Variants in PCSK6 observed in about 807,000 individuals in gnomAD.
PCSK6 encodes proprotein convertase subtilisin/kexin type 6, also known as paired basic amino acid cleaving enzyme 4.
A neutral mutation model predicts 123.3 loss-of-function variants in PCSK6; 85 were observed. That is an observed-to-expected ratio of 0.69 (90% CI 0.58 to 0.83). The LOEUF is 0.83. Ranked by LOEUF, PCSK6 falls within the 40% of genes least tolerant of loss-of-function variation. PCSK6 has a pLI of 0.00. For missense variants in PCSK6, 1,191 were observed against 1,282.3 expected (o/e 0.93, Z 1.09); for synonymous variants, 508 against 516.0 (o/e 0.98, Z 0.21).
At chr15:101,368,534 G>A (rs1163055601) in intron 12 of PCSK6, among the ~76,000 whole-genome samples, 1 of 152,182 alleles carries the variant, frequency 6.6e-6, no homozygotes, top group South Asian at 2.1e-4. Context: ...CAACTCTCCA[G>A]GGTCACTGCC....
Position 101,454,496 on chromosome 15 carries a change from G to A in PCSK6, c.298-10836C>T, listed in dbSNP as rs542396945. On this transcript the variant is annotated intron_variant, in intron 1 of 21. Transcript: ENST00000611716. ...TACAACACAGATGAGCCTGGAGGAC[G>A]CTGTGCTCAGTGAAATGAGCCAGGC... Among the ~76,000 whole-genome samples the A allele has an allele frequency of 4.0e-4, 61 of 152,296 alleles. 1 individual carries two copies. The highest frequency in any genetic ancestry group is 1.0e-3 in the African/African-American group (42 of 41,560).
At chr15:101,454,719 C>T (rs547645786) in intron 1 of PCSK6, among the ~76,000 whole-genome samples, 1 of 152,010 alleles carries the variant, frequency 6.6e-6, no homozygotes, top group Admixed American at 6.6e-5. Context: ...GGCAGGTGGA[C>T]AGATCACATG....
chr15:101,354,183 A>G (rs932818785), intron 13 of PCSK6, among the ~76,000 whole-genome samples: 5 of 152,208 alleles, frequency 3.3e-5, no homozygotes, highest in African/African-American at 1.2e-4. Context: ...ACACACCCAC[A>G]TATCCACATG....
chr15:101,342,951 T>C (rs1196453494), intron 13 of PCSK6, among the ~76,000 whole-genome samples: 3 of 152,080 alleles, frequency 2.0e-5, no homozygotes. Context: ...GTGGGGACTG[T>C]TTCCCTATTT....
chr15:101,385,530 G>A (rs2042034969), intron 9 of PCSK6, among the ~76,000 whole-genome samples: 1 of 152,128 alleles, frequency 6.6e-6, no homozygotes, highest in South Asian at 2.1e-4. Flanking sequence ...TAAGAGATAT[G>A]GATGCATTGT....
In PCSK6 at chr15:101,393,383, C is replaced by T. The variant is rs765630205; in HGVS notation, c.1038G>A (p.Gly346=). The part of the protein sequence containing the change: ...GLGSIFVWAS[G]NGGREGDYCS... ...AGTAGTCCCCCTCTCTCCCGCCATT[C>T]CCAGATGCCCAGACGAAAATGGAGC... Residue 346 remains glycine (G), a synonymous_variant, in exon 8 of 22, where the codon GGG becomes GGA. Coordinates refer to ENST00000611716, the MANE Select transcript of PCSK6 (RefSeq NM_002570.5). The T allele has an allele frequency of 6.2e-7, 1 of 1,603,278 alleles. No individual in the cohort carries two copies. Among genetic ancestry groups the T allele is most frequent in the Non-Finnish European group, 8.5e-7 (1 of 1,175,238 alleles).
At chr15:101,427,733 C>T (rs2056304955) in intron 6 of PCSK6, among the ~76,000 whole-genome samples, 159 bp downstream of exon 6, 1 of 152,252 alleles carries the variant, frequency 6.6e-6, no homozygotes, top group Non-Finnish European at 1.5e-5. Context: ...GGTCAGCTGC[C>T]TGGGCCATGA....
intron 11 of PCSK6, among the ~76,000 whole-genome samples, chr15:101,376,338 TGA>T (rs1447730027): frequency 3.3e-5 from 5 of 152,256 alleles, no homozygotes; most frequent in South Asian, 2.1e-4. Context: ...TCAAACAGCA[TGA>T]GAAAGCAGAG....
At chr15:101,324,340 G>A (rs1237562623) in intron 17 of PCSK6, among the ~76,000 whole-genome samples, 4 of 152,300 alleles carry the variant, frequency 2.6e-5, no homozygotes, top group Non-Finnish European at 5.9e-5. Flanking sequence ...TTTCATCTCC[G>A]CAGCTCTGCC....
At chr15:101,394,056 G>GT in intron 7 of PCSK6, among the ~76,000 whole-genome samples, 1 of 152,246 alleles carries the variant, frequency 6.6e-6, no homozygotes, top group East Asian at 1.9e-4. Flanking sequence ...TCTGCAGTGG[G>GT]TAAGTATCAG....
At chr15:101,325,591 G>T (rs2040235144) in intron 16 of PCSK6, among the ~76,000 whole-genome samples, 1 of 152,246 alleles carries the variant, frequency 6.6e-6, no homozygotes, top group Non-Finnish European at 1.5e-5. Context: ...GAGCCTAGCA[G>T]TGTCCTGTCA....
At chr15:101,392,975 G>A (rs541036749) in intron 8 of PCSK6, among the ~76,000 whole-genome samples, 1 of 152,308 alleles carries the variant, frequency 6.6e-6, no homozygotes, top group South Asian at 2.1e-4. Context: ...AAGCCAGAGA[G>A]GGGTTTAACT....
intron 16 of PCSK6, 123 bp downstream of exon 16, chr15:101,326,254 G>T: frequency 2.9e-6 from 2 of 697,466 alleles, no homozygotes; most frequent in Non-Finnish European, 2.4e-6. Flanking sequence ...GTTAACTTCA[G>T]TGTGATGATT....
chr15:101,420,439 C>T (rs188127475), intron 6 of PCSK6, among the ~76,000 whole-genome samples: 4 of 152,080 alleles, frequency 2.6e-5, no homozygotes, highest in Non-Finnish European at 5.9e-5. Flanking sequence ...TGGCTCACTG[C>T]GGCCTCGACC....
At chr15:101,389,066 A>C (rs2042152467) in intron 9 of PCSK6, among the ~76,000 whole-genome samples, 2 of 152,248 alleles carry the variant, frequency 1.3e-5, no homozygotes, top group Non-Finnish European at 1.5e-5. Flanking sequence ...CAATATGACC[A>C]GTGTCCTTAT....
At chr15:101,431,028 A>C (rs548014035) in intron 4 of PCSK6, among the ~76,000 whole-genome samples, 36 of 152,272 alleles carry the variant, frequency 2.4e-4, no homozygotes, top group African/African-American at 8.2e-4. Flanking sequence ...TGTTGCTACT[A>C]TCTGTACGCT....
Position 101,398,316 on chromosome 15 carries a change from C to G in PCSK6, c.996+88G>C. ...GAGTCTTCCCTGTCTTGTTTCAGGG[C>G]TGTGGCCAGTGTCACTCTGATACTT... On this transcript the variant is annotated intron_variant, in intron 7 of 21. Transcript: ENST00000611716. This position sits in a 1 kb window ranked among gnomAD's most constrained non-coding sequence, Gnocchi z 4.6. The G allele has an allele frequency of 6.9e-7, 1 of 1,444,254 alleles. No homozygotes were observed. Among genetic ancestry groups the G allele is most frequent in the Non-Finnish European group, 9.4e-7 (1 of 1,061,548 alleles). The allele number at this position is 1,444,254 out of a possible 1,614,324, so 89.5% of individuals were successfully genotyped here.
chr15:101,448,067 G>A (rs1011455698), intron 1 of PCSK6, among the ~76,000 whole-genome samples: 45 of 152,232 alleles, frequency 3.0e-4, no homozygotes, highest in Middle Eastern at 3.2e-3. Flanking sequence ...TCTTTGTAAT[G>A]TCATAACATG....
Position 101,443,652 on chromosome 15 carries a change from G to T in PCSK6, c.306C>A (p.Asn102Lys). ...GATAAAAATGGTAGTAATCTTCCAGGTTTCCAATCTGCAAGACAAGAAGCA... is the reference window on the plus strand; with the variant it reads ...GATAAAAATGGTAGTAATCTTCCAGTTTTCCAATCTGCAAGACAAGAAGCA... ...HGYLNLGQIGNLEDYYHFYHS... is the reference protein window; with the variant it reads ...HGYLNLGQIGKLEDYYHFYHS... The change falls in exon 2 of 22, where the codon AAC becomes AAA. Residue 102 changes from asparagine to lysine, a missense_variant. By Grantham distance (94) the Asn-to-Lys change is moderately conservative (BLOSUM62 0). This residue lies in a region of PCSK6 where 204 missense variants were observed against 166.4 expected (regional missense o/e 1.23). Transcript: ENST00000611716. 6.2e-7 allele frequency: 1 copy of T among 1,612,376 alleles called. No individual in the cohort carries two copies. The highest frequency in any genetic ancestry group is 8.5e-7 in the Non-Finnish European group (1 of 1,178,446).
Sources: gnomAD v4.1 joint callset for allele counts (sites outside exome capture counted in the v4.1 genomes callset) on GRCh38, gnomAD v4.1.1 for gene constraint, gnomAD v4.1.1 regional missense constraint, Gnocchi (gnomAD v3.1) non-coding constraint, MANE v1.5 for transcripts, NCBI Gene and HGNC (gene_info 2026-07-23, HGNC 2026-07-21) for gene names.